The following PCDH10 variants were observed in gnomAD, a reference collection of about 807,000 sequenced individuals.
PCDH10 encodes the protein protocadherin 10, also known as protocadherin-10.
In PCDH10, 15 loss-of-function variants were observed where a neutral mutation model predicts 74.4. The ratio of observed to expected loss-of-function variants is 0.20; its 90% CI spans 0.13 to 0.31. The LOEUF is 0.31. PCDH10 is among the 10% of genes least tolerant of loss of function. The probability of loss-of-function intolerance (pLI) is 1.00; values close to 1 mark genes in which losing one functional copy is unlikely to be tolerated. For missense variants in PCDH10, 1,260 were observed against 1,390.2 expected (o/e 0.91, Z 1.49); for synonymous variants, 619 against 589.8 (o/e 1.05, Z -0.72).
At chr4:133,153,253 AGTT>A in intron 1 of PCDH10, 1 of 1,015,932 alleles carries the variant, frequency 9.8e-7, no homozygotes, top group Non-Finnish European at 1.2e-6. Context: ...AACTTTACAC[AGTT>A]GTCTAACCTC....
At chr4:133,157,056 G>A (rs774877194) in intron 3 of PCDH10, among the ~76,000 whole-genome samples, 56 of 152,176 alleles carry the variant, frequency 3.7e-4, no homozygotes, top group Non-Finnish European at 6.5e-4. Context: ...AAATTTTTTT[G>A]TATCTTTAAG....
chr4:133,206,208 T>C (rs1728001564), intron 2 of PCDH10, among the ~76,000 whole-genome samples: 1 of 152,128 alleles, frequency 6.6e-6, no homozygotes, highest in Admixed American at 6.5e-5. Flanking sequence ...ACTTGAATTC[T>C]GAAAACTAAT....
Position 133,150,009 on chromosome 4 carries a change from A to G in PCDH10, c.-132A>G, listed in dbSNP as rs1726617606. 7.7e-7 allele frequency: 1 copy of G among 1,290,610 alleles called. No homozygotes were observed. Among genetic ancestry groups the G allele is most frequent in the Non-Finnish European group, 1.0e-6 (1 of 978,814 alleles). The allele number at this position is 1,290,610 out of a possible 1,614,324, so 79.9% of individuals were successfully genotyped here. ...CAAAAGGAGTAAGATTTTTAAAGAC[A>G]GAAAGCCACAGGAGCCCCCACGTAG... On this transcript the variant is annotated 5_prime_UTR_variant, in exon 1 of 5. Transcript: ENST00000264360.
downstream of PCDH10, among the ~76,000 whole-genome samples, chr4:133,196,285 T>C (rs1188703731): frequency 6.6e-6 from 1 of 152,100 alleles, no homozygotes; most frequent in Non-Finnish European, 1.5e-5. Context: ...TTTTTAAGGA[T>C]GATTTGGTGG....
In PCDH10 at chr4:133,152,182, G is replaced by A; in HGVS notation, c.2042G>A (p.Gly681Asp). 1 of 1,572,562 alleles carries A rather than the reference G, an allele frequency of 6.4e-7. No homozygotes were observed. ...ACCCTGGTGGTTCAGCTGGTGGATG[G>A]CGCCGTGGAGCCCCAGGGCGGGGGC... ...TATLVVQLVDGAVEPQGGGGS... is the reference protein window; with the variant it reads ...TATLVVQLVDDAVEPQGGGGS... The change falls in exon 1 of 5, where the codon GGC (glycine) becomes GAC (aspartate). Residue 681 changes from glycine to aspartate, a missense_variant. Physicochemically the swap from Gly to Asp is moderately conservative, Grantham distance 94. Transcript: ENST00000264360.
rs1214621194 is a variant in PCDH10 at position 133,190,202 on chromosome 4, A to G, written c.*42A>G. On this transcript the variant is annotated 3_prime_UTR_variant, in exon 5 of 5. Coordinates refer to ENST00000264360, the MANE Select transcript of PCDH10 (RefSeq NM_032961.3). Reference sequence around the variant, plus strand: ...TACCTGAAGCAGCATGATTTGCACAAAGTCGACCAACAAAAGCATCAACTT... The same window carrying G: ...TACCTGAAGCAGCATGATTTGCACAGAGTCGACCAACAAAAGCATCAACTT... 6.3e-7 allele frequency: 1 copy of G among 1,579,868 alleles called. No homozygotes were observed. The highest frequency in any genetic ancestry group is 8.7e-7 in the Non-Finnish European group (1 of 1,149,032).
chr4:133,156,935 G>A (rs1409307896), intron 3 of PCDH10, among the ~76,000 whole-genome samples: 1 of 152,088 alleles, frequency 6.6e-6, no homozygotes, highest in Non-Finnish European at 1.5e-5. Flanking sequence ...TTTCTGTAAT[G>A]TTTCTTTCAA....
chr4:133,198,954 C>T (rs6846610), downstream of PCDH10, among the ~76,000 whole-genome samples: 87,792 of 151,762 alleles, frequency 0.58, 25,499 homozygotes, highest in Admixed American at 0.65. Flanking sequence ...ATAAATGCTA[C>T]GAATAACTAA....
intron 4 of PCDH10, among the ~76,000 whole-genome samples, chr4:133,181,451 T>C (rs2125870332): frequency 6.6e-6 from 1 of 152,200 alleles, no homozygotes; most frequent in East Asian, 1.9e-4. Context: ...TATCATGAAG[T>C]AGATGCCCTG....
chr4:133,199,346 A>G (rs1727857730), downstream of PCDH10, among the ~76,000 whole-genome samples: 1 of 149,456 alleles, frequency 6.7e-6, no homozygotes, highest in Admixed American at 6.7e-5. Flanking sequence ...ATAGCAAGAT[A>G]ACTTGCAAAA....
At position 133,163,069 on chromosome 4, in the gene PCDH10, C is replaced by A; in HGVS notation, c.2890C>A (p.Arg964Ser). The change falls in exon 4 of 5, where the codon CGC becomes AGC. Residue 964 changes from arginine to serine, a missense_variant. Physicochemically the swap from Arg to Ser is moderately radical, Grantham distance 110. Transcript: ENST00000264360. ...WMPSFVPSDG[R>S]QAADYRSNLH... ...GCCTTCTTTTGTCCCTTCTGATGGA[C>A]GCCAGGCTGCTGATTATCGCAGCAA... 1 of 1,614,102 alleles carries A rather than the reference C, an allele frequency of 6.2e-7. No homozygotes were observed. The highest frequency in any genetic ancestry group is 2.2e-5 in the East Asian group (1 of 44,870).
chr4:133,157,077 T>TACAGAATTAAGTGTATGTTTAA (rs1726882692), intron 3 of PCDH10, among the ~76,000 whole-genome samples: 1 of 152,240 alleles, frequency 6.6e-6, no homozygotes, highest in South Asian at 2.1e-4. Flanking sequence ...TTCTTAAACA[T>TACAGAATTAAGTGTATGTTTAA]GTAAAAGTGT....
At position 133,152,465 on chromosome 4, in the gene PCDH10, C is replaced by T; in HGVS notation, c.2325C>T (p.Ala775=). 6.2e-7 allele frequency: 1 copy of T among 1,614,132 alleles called. No individual in the cohort carries two copies. The highest frequency in any genetic ancestry group is 8.5e-7 in the Non-Finnish European group (1 of 1,180,010). ...GTTCGACCTGCTGTGGCCGCCAAGC[C>T]CGGGCGCGCAAGAAGAAACTCAGCA... ...GGGSTCCGRQ[A]RARKKKLSKS... The change falls in exon 1 of 5, where the codon GCC becomes GCT. Residue 775 remains alanine (A), a synonymous_variant. Coordinates refer to ENST00000264360, the MANE Select transcript of PCDH10 (RefSeq NM_032961.3).
chr4:133,157,605 T>C lies in PCDH10; in HGVS notation c.2797+2582T>C, dbSNP rs189469786. ...GTTAGATTATCAAGCAAAACTAACA[T>C]TGGAAAGATAGAGACTCCGAATTCT... On this transcript the variant is annotated intron_variant, in intron 3 of 4. Coordinates refer to ENST00000264360, the MANE Select transcript of PCDH10 (RefSeq NM_032961.3). 1.2e-4 allele frequency among the ~76,000 whole-genome samples: 19 copies of C among 152,252 alleles called. 1 individual carries two copies. The highest frequency in any genetic ancestry group is 3.8e-4 in the African/African-American group (16 of 41,570).
chr4:133,176,233 G>T (rs1727293114), intron 4 of PCDH10, among the ~76,000 whole-genome samples: 2 of 152,062 alleles, frequency 1.3e-5, no homozygotes, highest in Admixed American at 1.3e-4. Flanking sequence ...AAGCAATGTG[G>T]TGAAGAGCAC....
chr4:133,165,405 A>T (rs1032305888), intron 4 of PCDH10, among the ~76,000 whole-genome samples: 1 of 151,656 alleles, frequency 6.6e-6, no homozygotes, highest in East Asian at 1.9e-4. Flanking sequence ...TAAAAAATTT[A>T]TAGTTAGTCT....
chr4:133,155,218 G>C (rs980480850), intron 3 of PCDH10, among the ~76,000 whole-genome samples, 195 bp downstream of exon 3: 1 of 152,190 alleles, frequency 6.6e-6, no homozygotes, highest in Non-Finnish European at 1.5e-5. Flanking sequence ...CCTTTGGAGA[G>C]TTAATGTTAG....
At chr4:133,180,176 A>G (rs960533213) in intron 4 of PCDH10, among the ~76,000 whole-genome samples, 1 of 152,012 alleles carries the variant, frequency 6.6e-6, no homozygotes, top group Admixed American at 6.6e-5. Flanking sequence ...AATTTCACTA[A>G]GCTATTTTCT....
chr4:133,157,883 G>C (rs554169382), intron 3 of PCDH10, among the ~76,000 whole-genome samples: 2 of 152,054 alleles, frequency 1.3e-5, no homozygotes, highest in East Asian at 1.9e-4. Flanking sequence ...GTTCATAGAA[G>C]GGCTTTAAAC....
Sources: allele counts gnomAD v4.1 joint callset (sites outside exome capture counted in the v4.1 genomes callset), GRCh38; gene constraint gnomAD v4.1.1; transcripts MANE v1.5; gene names NCBI Gene and HGNC (gene_info 2026-07-23, HGNC 2026-07-21).